CLSTN2: variants seen among roughly 807,000 people sequenced by gnomAD.
The protein encoded by CLSTN2 is calsyntenin 2.
CLSTN2 carries 48 observed loss-of-function variants against 101.2 expected under a neutral mutation model. That is an observed-to-expected ratio of 0.47 (90% CI 0.38 to 0.60). The LOEUF (loss-of-function observed/expected upper bound fraction) is 0.60. Ranked by LOEUF, CLSTN2 falls within the 20% of genes least tolerant of loss-of-function variation. The pLI, the probability that CLSTN2 is intolerant of heterozygous loss-of-function variation, is 0.00. For missense variants in CLSTN2, 1,160 were observed against 1,238.2 expected, an observed-to-expected ratio of 0.94 and a Z score of 0.95; for synonymous variants, 481 against 463.6, an observed-to-expected ratio of 1.04 and a Z score of -0.48.
chr3:140,552,059 G>T lies in CLSTN2; in HGVS notation c.1675-4454G>T, dbSNP rs564509944. 3.7e-4 allele frequency among the ~76,000 whole-genome samples: 56 copies of T among 152,164 alleles called. No individual in the cohort carries two copies. In the South Asian group the frequency reaches 0.011, roughly 30 times the overall value. The stretch of plus-strand genomic sequence containing the variant: ...GGCAGGTGTCATAGGGAGCAGCAGG[G>T]TTCCTATCAAGTCATAGCCAGCCTT... On this transcript the variant is annotated intron_variant, in intron 10 of 16. Transcript: ENST00000458420.
At chr3:140,029,766 G>T (rs1259212847) in intron 1 of CLSTN2, among the ~76,000 whole-genome samples, 1 of 152,052 alleles carries the variant, frequency 6.6e-6, no homozygotes, top group Non-Finnish European at 1.5e-5. Context: ...TTCACCTCTT[G>T]TCTTGGGAGC....
rs1266366164 is a variant in CLSTN2 at position 139,935,255 on chromosome 3, A to T, written c.-120A>T. On this transcript the variant is annotated 5_prime_UTR_variant, in exon 1 of 17. Transcript: ENST00000458420. This position sits in a 1 kb window ranked among gnomAD's most constrained non-coding sequence, Gnocchi z 5.5. ...ACCCGAGGCCGAGCGCCGCGGCGGC[A>T]GCGCTAGAAGCGCACCCATCGGGCA... is the stretch of plus-strand genomic sequence containing the variant. 3 of 441,630 alleles carry T rather than the reference A, an allele frequency of 6.8e-6. No homozygotes were observed. The highest frequency in any genetic ancestry group is 1.1e-5 in the Non-Finnish European group (3 of 276,774). The allele number at this position is 441,630 out of a possible 1,614,324, so 27.4% of individuals were successfully genotyped here.
intron 2 of CLSTN2, among the ~76,000 whole-genome samples, chr3:140,394,752 C>T (rs527898917): frequency 1.3e-5 from 2 of 152,328 alleles, no homozygotes; most frequent in South Asian, 4.1e-4. Context: ...CACTGTTCCC[C>T]TAAATAAGTG....
chr3:140,392,153 T>C (rs934017052), intron 2 of CLSTN2, among the ~76,000 whole-genome samples: 1 of 151,342 alleles, frequency 6.6e-6, no homozygotes. Flanking sequence ...AGCAGCAGTA[T>C]CCAACAGAAA....
At chr3:139,992,851 T>C (rs577972716) in intron 1 of CLSTN2, among the ~76,000 whole-genome samples, 9 of 152,290 alleles carry the variant, frequency 5.9e-5, no homozygotes, top group African/African-American at 2.2e-4. Context: ...AACCTCCTTA[T>C]CTCCTGTTGA....
intron 8 of CLSTN2, among the ~76,000 whole-genome samples, chr3:140,527,286 C>A (rs1285425591): frequency 6.6e-6 from 1 of 152,006 alleles, no homozygotes; most frequent in African/African-American, 2.4e-5. Flanking sequence ...AGATTCTTCT[C>A]AAAAGAAGAT....
chr3:140,217,079 G>T (rs1052288147), intron 2 of CLSTN2, among the ~76,000 whole-genome samples: 11 of 152,146 alleles, frequency 7.2e-5, no homozygotes, highest in Admixed American at 2.6e-4. Flanking sequence ...CCAGTGATGT[G>T]ACTCCAGGGT....
rs79913422 is a variant in CLSTN2, at chr3:140,288,952, C to T, written c.232+112879C>T. Among the ~76,000 whole-genome samples, 4 of 152,302 alleles carry T rather than the reference C, an allele frequency of 2.6e-5. No individual in the cohort carries two copies. The East Asian group carries it at 7.7e-4, about 29-fold the overall frequency. The stretch of plus-strand genomic sequence containing the variant: ...CCCCAGACACTCTCCTCCCTGATCC[C>T]CCGTGCCCTTTTCCTCTTCACCTGG... On this transcript the variant is annotated intron_variant, in intron 2 of 16. Coordinates refer to ENST00000458420, the MANE Select transcript of CLSTN2 (RefSeq NM_022131.3).
chr3:139,991,788 G>A (rs1936119306), intron 1 of CLSTN2, among the ~76,000 whole-genome samples: 1 of 152,224 alleles, frequency 6.6e-6, no homozygotes, highest in South Asian at 2.1e-4. Context: ...AAGTCTAAGT[G>A]TGAACTTCTG....
chr3:140,047,741 C>T (rs2007909198), intron 1 of CLSTN2, among the ~76,000 whole-genome samples: 1 of 152,158 alleles, frequency 6.6e-6, no homozygotes, highest in South Asian at 2.1e-4. Context: ...GTCTCTCTTC[C>T]TCTTCTTGTA....
intron 2 of CLSTN2, among the ~76,000 whole-genome samples, chr3:140,215,819 C>T (rs2010913123): frequency 6.6e-6 from 1 of 152,166 alleles, no homozygotes; most frequent in African/African-American, 2.4e-5. Flanking sequence ...ATGCTTAAAA[C>T]AGTGCTTGAC....
At chr3:140,168,760 C>T (rs972224051) in intron 1 of CLSTN2, among the ~76,000 whole-genome samples, 7 of 151,972 alleles carry the variant, frequency 4.6e-5, no homozygotes, top group African/African-American at 1.2e-4. Context: ...CTATTCTCCT[C>T]CCCATTTAAT....
chr3:139,947,345 A>G (rs935846369), intron 1 of CLSTN2, among the ~76,000 whole-genome samples: 3 of 152,238 alleles, frequency 2.0e-5, no homozygotes, highest in African/African-American at 7.2e-5. Flanking sequence ...CTCTGCCAAT[A>G]CTTATTGGTG....
At chr3:140,194,535 A>T (rs892650260) in intron 2 of CLSTN2, among the ~76,000 whole-genome samples, 2 of 152,148 alleles carry the variant, frequency 1.3e-5, no homozygotes, top group Non-Finnish European at 2.9e-5. Context: ...AAAAAAAATC[A>T]GTTGAGTTAT....
At chr3:140,358,521 A>G (rs1218973552) in intron 2 of CLSTN2, among the ~76,000 whole-genome samples, 7 of 152,346 alleles carry the variant, frequency 4.6e-5, no homozygotes, top group African/African-American at 1.7e-4. Context: ...AAGGCAAGGT[A>G]TCAGAAATGC....
At chr3:140,418,451 A>G (rs2088454424) in intron 4 of CLSTN2, among the ~76,000 whole-genome samples, 1 of 151,970 alleles carries the variant, frequency 6.6e-6, no homozygotes, top group South Asian at 2.1e-4. Flanking sequence ...CTGTATTGTT[A>G]GAAGTAGTCC....
intron 2 of CLSTN2, among the ~76,000 whole-genome samples, chr3:140,332,359 A>C (rs1034166024): frequency 6.6e-6 from 1 of 152,226 alleles, no homozygotes; most frequent in Non-Finnish European, 1.5e-5. Flanking sequence ...GCAAGGTCCT[A>C]TCCTGGAGGA....
intron 1 of CLSTN2, among the ~76,000 whole-genome samples, chr3:139,997,172 A>G (rs997896329): frequency 6.6e-6 from 1 of 152,108 alleles, no homozygotes; most frequent in East Asian, 1.9e-4. Context: ...CGATATTAAT[A>G]TATTAATGTT....
intron 9 of CLSTN2, among the ~76,000 whole-genome samples, chr3:140,542,561 T>A (rs927978359): frequency 4.0e-5 from 6 of 151,704 alleles, no homozygotes; most frequent in African/African-American, 1.2e-4. Context: ...ATATCTATTA[T>A]TTTTTTTTAA....
Sources: gnomAD v4.1 joint callset for allele counts (sites outside exome capture counted in the v4.1 genomes callset) on GRCh38, gnomAD v4.1.1 for gene constraint, Gnocchi (gnomAD v3.1) non-coding constraint, MANE v1.5 for transcripts, NCBI Gene and HGNC (gene_info 2026-07-23, HGNC 2026-07-21) for gene names.